TAFA1: variants seen among roughly 807,000 people sequenced by gnomAD.
TAFA1 encodes the protein chemokine-like protein TAFA-1.
A neutral mutation model predicts 18.5 loss-of-function variants in TAFA1; 4 were observed. The ratio of observed to expected loss-of-function variants is 0.22; its 90% confidence interval spans 0.11 to 0.49. The LOEUF is 0.49. Ranked by LOEUF, TAFA1 falls within the 20% of genes least tolerant of loss-of-function variation. The pLI, the probability that TAFA1 is intolerant of heterozygous loss-of-function variation, is 0.98. For missense variants in TAFA1, 147 were observed against 169.0 expected (o/e 0.87, Z 0.72); for synonymous variants, 56 against 55.2 (o/e 1.01, Z -0.06).
intron 2 of TAFA1, among the ~76,000 whole-genome samples, chr3:68,287,034 A>G (rs956985094): frequency 6.6e-6 from 1 of 152,170 alleles, no homozygotes; most frequent in Non-Finnish European, 1.5e-5. Context: ...GAAAAATGCC[A>G]GAGAACAGTC....
chr3:68,035,871 A>G (rs1305617650), intron 2 of TAFA1, among the ~76,000 whole-genome samples: 1 of 152,230 alleles, frequency 6.6e-6, no homozygotes, highest in Non-Finnish European at 1.5e-5. Context: ...ACATGCAGCA[A>G]CAGGGCTGAA....
At chr3:68,334,978 G>T (rs1398852207) in intron 2 of TAFA1, among the ~76,000 whole-genome samples, 1 of 152,180 alleles carries the variant, frequency 6.6e-6, no homozygotes, top group Non-Finnish European at 1.5e-5. Context: ...ATAAAGAAAT[G>T]TAATTCTGTG....
intron 2 of TAFA1, among the ~76,000 whole-genome samples, chr3:68,133,606 G>C (rs1425854461): frequency 6.6e-6 from 1 of 151,384 alleles, no homozygotes; most frequent in Admixed American, 6.6e-5. Context: ...TGGATTCCTA[G>C]GTATTTTATT....
At chr3:68,124,891 T>TA (rs1335113715) in intron 2 of TAFA1, among the ~76,000 whole-genome samples, 2 of 152,018 alleles carry the variant, frequency 1.3e-5, no homozygotes, top group Non-Finnish European at 2.9e-5. Flanking sequence ...GGTAAGAGGG[T>TA]AAAAATAAGG....
At chr3:68,153,221 C>T (rs2065828571) in intron 2 of TAFA1, among the ~76,000 whole-genome samples, 1 of 152,164 alleles carries the variant, frequency 6.6e-6, no homozygotes, top group South Asian at 2.1e-4. Context: ...CAGTGCTCAA[C>T]CAGGTGTGTC....
intron 2 of TAFA1, among the ~76,000 whole-genome samples, chr3:68,298,324 T>G (rs1056708406): frequency 1.3e-5 from 2 of 152,154 alleles, no homozygotes. Context: ...ATGTAGGGGC[T>G]GAAGAGACTA....
intron 2 of TAFA1, among the ~76,000 whole-genome samples, chr3:68,261,098 G>A (rs147527867): frequency 0.067 from 10,220 of 151,842 alleles, 401 homozygotes; most frequent in South Asian, 0.099. Context: ...TCAAAAAGTG[G>A]GCGAAGGATA....
At chr3:68,446,597 T>A (rs1028859320) in intron 3 of TAFA1, among the ~76,000 whole-genome samples, 1 of 152,174 alleles carries the variant, frequency 6.6e-6, no homozygotes, top group African/African-American at 2.4e-5. Context: ...CAGTACCCAG[T>A]TTATTCTAGA....
chr3:68,330,174 G>T (rs1209135354), intron 2 of TAFA1, among the ~76,000 whole-genome samples: 1 of 152,148 alleles, frequency 6.6e-6, no homozygotes, highest in Non-Finnish European at 1.5e-5. Context: ...GAAGCTACAG[G>T]TTACGTCGTC....
intron 2 of TAFA1, among the ~76,000 whole-genome samples, chr3:68,077,664 C>T (rs549059904): frequency 5.9e-4 from 89 of 151,930 alleles, no homozygotes; most frequent in African/African-American, 2.0e-3. Context: ...TTCCATTGAT[C>T]TATATCTCTA....
At chr3:68,224,187 A>C (rs775721045) in intron 2 of TAFA1, among the ~76,000 whole-genome samples, 9 of 152,110 alleles carry the variant, frequency 5.9e-5, no homozygotes, top group Admixed American at 1.3e-4. Context: ...TTTGGTAAAT[A>C]AAGGTAAATG....
chr3:68,540,461 T>C (rs1263251893), intron 4 of TAFA1, among the ~76,000 whole-genome samples: 1 of 152,214 alleles, frequency 6.6e-6, no homozygotes, highest in Non-Finnish European at 1.5e-5. Flanking sequence ...TTCCCTTTGG[T>C]TACCTTTTGC....
Position 68,249,643 on chromosome 3 carries a change from A to G in TAFA1, c.119-167637A>G, listed in dbSNP as rs989758732. Among the ~76,000 whole-genome samples, 4 of 152,360 alleles carry G rather than the reference A, an allele frequency of 2.6e-5. No individual in the cohort carries two copies. The East Asian group carries it at 7.7e-4, about 29-fold the overall frequency. On this transcript the variant is annotated intron_variant, in intron 2 of 4. Coordinates refer to ENST00000478136, the MANE Select transcript of TAFA1 (RefSeq NM_213609.4). ...TACCAAATCTGGATTTGAAAGGCAT[A>G]GGACAGCAGACAGTCAGGACTAAGA... is the stretch of plus-strand genomic sequence containing the variant.
At chr3:68,386,521 G>T (rs997016013) in intron 2 of TAFA1, among the ~76,000 whole-genome samples, 16 of 152,078 alleles carry the variant, frequency 1.1e-4, no homozygotes, top group Admixed American at 3.3e-4. Context: ...CATCTAGGGT[G>T]CTATGCACAT....
chr3:68,435,342 T>C (rs2071251152), intron 3 of TAFA1, among the ~76,000 whole-genome samples: 1 of 152,092 alleles, frequency 6.6e-6, no homozygotes, highest in South Asian at 2.1e-4. Context: ...ACTGGAAATC[T>C]CATTAGGAAT....
chr3:68,274,392 A>G (rs1248759708), intron 2 of TAFA1, among the ~76,000 whole-genome samples: 1 of 152,220 alleles, frequency 6.6e-6, no homozygotes, highest in Non-Finnish European at 1.5e-5. Context: ...TGGTAAATTA[A>G]TAGAAAAGCA....
At chr3:68,360,069 A>G (rs1252056288) in intron 2 of TAFA1, among the ~76,000 whole-genome samples, 1 of 151,946 alleles carries the variant, frequency 6.6e-6, no homozygotes, top group Non-Finnish European at 1.5e-5. Context: ...CATTATTTGC[A>G]GCTATGATTG....
intron 2 of TAFA1, among the ~76,000 whole-genome samples, chr3:68,233,117 T>G (rs2066891140): frequency 6.6e-6 from 1 of 152,204 alleles, no homozygotes; most frequent in African/African-American, 2.4e-5. Flanking sequence ...ACATTGAGCA[T>G]TTTTTCATTT....
intron 2 of TAFA1, among the ~76,000 whole-genome samples, chr3:68,213,004 A>G (rs1169487477): frequency 6.6e-6 from 1 of 151,642 alleles, no homozygotes; most frequent in Admixed American, 6.6e-5. Flanking sequence ...CAGCTAACTT[A>G]ACTTACAAAT....
Sources: gnomAD v4.1 joint callset for allele counts (sites outside exome capture counted in the v4.1 genomes callset) on GRCh38, gnomAD v4.1.1 for gene constraint, MANE v1.5 for transcripts, NCBI Gene and HGNC (gene_info 2026-07-23, HGNC 2026-07-21) for gene names.